The following ETF1 variants were observed in gnomAD, a reference collection of about 807,000 sequenced individuals.
ETF1 encodes the protein eukaryotic translation termination factor 1.
In ETF1, 4 loss-of-function variants were observed where a neutral mutation model predicts 55.1. The ratio of observed to expected loss-of-function variants is 0.07; its 90% CI spans 0.04 to 0.17. The LOEUF (loss-of-function observed/expected upper bound fraction) is 0.17, where lower values mean the gene tolerates loss of function less well. Among genes scored for constraint, ETF1 ranks in the 10% least tolerant of loss-of-function variants. The pLI is 1.00. For missense variants in ETF1, 142 were observed against 523.6 expected, an observed-to-expected ratio of 0.27 and a Z score of 7.11; for synonymous variants, 157 against 182.3, an observed-to-expected ratio of 0.86 and a Z score of 1.12.
intron 2 of ETF1, among the ~76,000 whole-genome samples, chr5:138,520,234 G>A (rs1765178988): frequency 6.7e-6 from 1 of 148,548 alleles, no homozygotes; most frequent in Admixed American, 6.8e-5. Context: ...ATCCAAATAA[G>A]TACAGTCAGA....
At chr5:138,536,464 T>G (rs1223371462) in intron 2 of ETF1, among the ~76,000 whole-genome samples, 5 of 152,192 alleles carry the variant, frequency 3.3e-5, no homozygotes, top group African/African-American at 1.2e-4. Flanking sequence ...CTGAGGACAG[T>G]ACCCAGTGAG....
At chr5:138,513,730 C>A in intron 4 of ETF1, 24 bp from the exon 5 acceptor site, 1 of 1,584,482 alleles carries the variant, frequency 6.3e-7, no homozygotes, top group Non-Finnish European at 8.6e-7. Context: ...ACAAGTACCA[C>A]ACGGTGAATC....
intron 6 of ETF1, chr5:138,512,058 G>A: frequency 5.7e-6 from 1 of 174,258 alleles, no homozygotes; most frequent in Non-Finnish European, 1.1e-5. Context: ...AAATTAGTTG[G>A]GCATGGTGAC....
chr5:138,525,884 T>C (rs2127102363), intron 2 of ETF1, among the ~76,000 whole-genome samples: 1 of 147,988 alleles, frequency 6.8e-6, no homozygotes. Flanking sequence ...AGACAGAGGT[T>C]GCAGTGAGCA....
At chr5:138,536,300 A>G (rs1765926231) in intron 2 of ETF1, among the ~76,000 whole-genome samples, 1 of 152,232 alleles carries the variant, frequency 6.6e-6, no homozygotes, top group Non-Finnish European at 1.5e-5. Flanking sequence ...CAACATGCAG[A>G]GCTATCTGTA....
At chr5:138,524,190 C>CA (rs112748888) in intron 2 of ETF1, among the ~76,000 whole-genome samples, 680 of 74,116 alleles carry the variant, frequency 9.2e-3, no homozygotes, top group East Asian at 0.016. Context: ...GACTCTGTCT[C>CA]AAAAAAAAAA....
intron 1 of ETF1, 59 bp from the exon 2 acceptor site, chr5:138,542,995 G>A (rs1766251598): frequency 6.7e-7 from 1 of 1,496,108 alleles, no homozygotes; most frequent in Non-Finnish European, 9.2e-7. Context: ...GCCGCCGCTG[G>A]GGCAGAGCGG....
At chr5:138,518,562 A>G (rs1437850626) in intron 3 of ETF1, 130 bp downstream of exon 3, 2 of 770,534 alleles carry the variant, frequency 2.6e-6, no homozygotes, top group Non-Finnish European at 4.2e-6. Context: ...AAAGCTAACC[A>G]CCAAGGCCAA....
chr5:138,540,031 C>A (rs980363060), intron 2 of ETF1, among the ~76,000 whole-genome samples: 1 of 152,070 alleles, frequency 6.6e-6, no homozygotes, highest in Non-Finnish European at 1.5e-5. Context: ...AACATACTTC[C>A]CTTTATTCAG....
chr5:138,511,393 C>CAT (rs1561828966), intron 7 of ETF1, 82 bp downstream of exon 7: 6 of 1,414,454 alleles, frequency 4.2e-6, no homozygotes, highest in East Asian at 2.4e-5. Context: ...CGTACATACA[C>CAT]ACACACACAT....
chr5:138,531,186 T>TA (rs1485897633), intron 2 of ETF1, among the ~76,000 whole-genome samples: 1 of 152,182 alleles, frequency 6.6e-6, no homozygotes, highest in African/African-American at 2.4e-5. Context: ...AAGGTGCTTA[T>TA]AAGACCTGAG....
intron 2 of ETF1, among the ~76,000 whole-genome samples, chr5:138,540,171 T>C (rs1766114452): frequency 6.6e-6 from 1 of 152,242 alleles, no homozygotes; most frequent in African/African-American, 2.4e-5. Flanking sequence ...CATATTTTAA[T>C]AACTACTGTT....
chr5:138,542,776 C>T, intron 2 of ETF1, 57 bp downstream of exon 2: 1 of 1,598,958 alleles, frequency 6.3e-7, no homozygotes, highest in Non-Finnish European at 8.5e-7. Flanking sequence ...CGGGGGCGTC[C>T]ATCCTGAGGG....
intron 6 of ETF1, 138 bp downstream of exon 6, chr5:138,512,626 T>C: frequency 1.6e-6 from 1 of 641,992 alleles, no homozygotes; most frequent in South Asian, 2.4e-5. Flanking sequence ...TAAACATCTG[T>C]AAACCTGCTG....
At chr5:138,508,944 G>C in intron 9 of ETF1, 128 bp from the exon 10 acceptor site, 1 of 1,453,430 alleles carries the variant, frequency 6.9e-7, no homozygotes, top group South Asian at 1.5e-5. Flanking sequence ...TGTGTGTAAA[G>C]CTCTGTAAGT....
intron 9 of ETF1, 152 bp downstream of exon 9, chr5:138,510,413 G>T: frequency 4.6e-6 from 1 of 215,916 alleles, no homozygotes. Flanking sequence ...CCTGAAATCA[G>T]ATTCGTATGT....
chr5:138,513,783 ACAAGC>A, intron 4 of ETF1, 77 bp from the exon 5 acceptor site: 1 of 1,481,476 alleles, frequency 6.8e-7, no homozygotes, highest in South Asian at 1.4e-5. Context: ...AAGGATATAT[ACAAGC>A]CCTTTCACTC....
chr5:138,510,456 C>T (rs1764728161), intron 9 of ETF1, 109 bp downstream of exon 9: 2 of 614,898 alleles, frequency 3.3e-6, no homozygotes, highest in South Asian at 1.8e-5. Context: ...ACAGCACCCC[C>T]AATTAGTATA....
chr5:138,512,233 T>A (rs867439274), intron 6 of ETF1, among the ~76,000 whole-genome samples: 1,225 of 8,702 alleles, frequency 0.14, 6 homozygotes, highest in East Asian at 0.22. Context: ...AAAATATATA[T>A]ATATATATAT....
Sources: gnomAD v4.1 joint callset for allele counts (sites outside exome capture counted in the v4.1 genomes callset) on GRCh38, gnomAD v4.1.1 for gene constraint, MANE v1.5 for transcripts, NCBI Gene and HGNC (gene_info 2026-07-23, HGNC 2026-07-21) for gene names.